GRIK4: variants seen among roughly 807,000 people sequenced by gnomAD.
The protein encoded by GRIK4 is glutamate ionotropic receptor kainate type subunit 4, also known as glutamate receptor ionotropic, kainate 4.
Under a neutral mutation model 104.9 loss-of-function variants are expected in GRIK4, and 40 were observed. The ratio of observed to expected loss-of-function variants is 0.38; its 90% CI spans 0.30 to 0.50. The LOEUF (loss-of-function observed/expected upper bound fraction) is 0.50, where lower values mean the gene tolerates loss of function less well. GRIK4 is among the 20% of genes least tolerant of loss of function. The pLI, the probability that GRIK4 is intolerant of heterozygous loss-of-function variation, is 0.93. For missense variants in GRIK4, 1,047 were observed against 1,308.1 expected (o/e 0.80, Z 3.08); for synonymous variants, 485 against 524.9 (o/e 0.92, Z 1.04).
chr11:120,627,321 A>G (rs1949273544), intron 1 of GRIK4, among the ~76,000 whole-genome samples: 1 of 152,248 alleles, frequency 6.6e-6, no homozygotes, highest in Non-Finnish European at 1.5e-5. Context: ...GGTCCTCTCC[A>G]AAGGAGAAGC....
chr11:120,810,296 G>A (rs910455353), intron 4 of GRIK4, among the ~76,000 whole-genome samples: 15 of 152,194 alleles, frequency 9.9e-5, no homozygotes, highest in African/African-American at 3.6e-4. Context: ...AGGAATTGTG[G>A]CCTTCTATAA....
intron 19 of GRIK4, among the ~76,000 whole-genome samples, chr11:120,969,107 A>C (rs1225231236): frequency 6.6e-6 from 1 of 152,226 alleles, no homozygotes; most frequent in Non-Finnish European, 1.5e-5. Flanking sequence ...CCTGGGAATA[A>C]GAAAGCTCTA....
chr11:120,798,097 A>C (rs1952554103), intron 3 of GRIK4, among the ~76,000 whole-genome samples: 1 of 149,450 alleles, frequency 6.7e-6, no homozygotes. Context: ...TGGTTTGCAG[A>C]TAGCCATCTT....
At chr11:120,540,768 C>G (rs1948025421) in intron 1 of GRIK4, among the ~76,000 whole-genome samples, 2 of 151,976 alleles carry the variant, frequency 1.3e-5, no homozygotes, top group South Asian at 4.2e-4. Flanking sequence ...TTTTTGGGTA[C>G]AAGGACAATA....
intron 3 of GRIK4, among the ~76,000 whole-genome samples, chr11:120,662,434 T>G (rs1649242138): frequency 6.6e-6 from 1 of 152,212 alleles, no homozygotes; most frequent in African/African-American, 2.4e-5. Flanking sequence ...GACCCGTTCT[T>G]CCTGTCTCCT....
intron 1 of GRIK4, among the ~76,000 whole-genome samples, chr11:120,520,856 G>A (rs1372406712): frequency 1.3e-5 from 2 of 152,166 alleles, no homozygotes; most frequent in Non-Finnish European, 2.9e-5. Context: ...CAGTTCCTAA[G>A]ATGACAACAG....
chr11:120,746,905 A>C (rs1221280509), intron 3 of GRIK4, among the ~76,000 whole-genome samples: 1 of 152,200 alleles, frequency 6.6e-6, no homozygotes, highest in African/African-American at 2.4e-5. Flanking sequence ...CAGAATGTTG[A>C]AGACTATGGA....
intron 3 of GRIK4, among the ~76,000 whole-genome samples, chr11:120,798,216 T>G (rs1440028209): frequency 7.6e-6 from 1 of 131,176 alleles, no homozygotes; most frequent in Non-Finnish European, 1.6e-5. Context: ...TCGCCTAGGC[T>G]GGAGTGCAGT....
At chr11:120,975,840 C>CTT (rs1315700937) in intron 19 of GRIK4, among the ~76,000 whole-genome samples, 1 of 152,160 alleles carries the variant, frequency 6.6e-6, no homozygotes, top group Admixed American at 6.5e-5. Flanking sequence ...GATCCAGGCA[C>CTT]TTCCACTTGT....
intron 1 of GRIK4, among the ~76,000 whole-genome samples, chr11:120,530,888 C>T (rs1475940530): frequency 6.6e-6 from 1 of 152,168 alleles, no homozygotes; most frequent in African/African-American, 2.4e-5. Flanking sequence ...GCACCTGTGT[C>T]CTACTGATGT....
intron 3 of GRIK4, among the ~76,000 whole-genome samples, chr11:120,661,455 G>A (rs1292761104): frequency 6.6e-6 from 1 of 152,182 alleles, no homozygotes; most frequent in African/African-American, 2.4e-5. Flanking sequence ...GGGGTTGGGG[G>A]TGGGAGCAAA....
At chr11:120,672,540 C>T (rs935447278) in intron 3 of GRIK4, among the ~76,000 whole-genome samples, 8 of 152,212 alleles carry the variant, frequency 5.3e-5, no homozygotes, top group African/African-American at 1.2e-4. Context: ...GCCATTTTCA[C>T]GGTATTCATT....
chr11:120,836,400 T>C (rs1193295334), intron 7 of GRIK4, among the ~76,000 whole-genome samples: 1 of 152,226 alleles, frequency 6.6e-6, no homozygotes, highest in East Asian at 1.9e-4. Flanking sequence ...AGTGGGTTAG[T>C]GTTAGCCATT....
chr11:120,751,547 C>T (rs975461957), intron 3 of GRIK4, among the ~76,000 whole-genome samples: 11 of 152,116 alleles, frequency 7.2e-5, no homozygotes, highest in Non-Finnish European at 1.5e-4. Flanking sequence ...TCCCCAGGAG[C>T]CCCTCCCTGC....
intron 7 of GRIK4, among the ~76,000 whole-genome samples, chr11:120,834,299 TGG>T (rs1491164260): frequency 1.3e-5 from 2 of 149,418 alleles, no homozygotes; most frequent in Non-Finnish European, 3.0e-5. Flanking sequence ...TGTGTGTGTG[TGG>T]CCATGCTTTT....
intron 3 of GRIK4, among the ~76,000 whole-genome samples, chr11:120,757,586 T>C (rs1156962529): frequency 6.6e-6 from 1 of 152,184 alleles, no homozygotes; most frequent in Non-Finnish European, 1.5e-5. Context: ...GTTCCCTGGG[T>C]CTGGCAGAAG....
intron 1 of GRIK4, among the ~76,000 whole-genome samples, chr11:120,533,216 G>C (rs919871801): frequency 3.9e-5 from 6 of 152,188 alleles, no homozygotes; most frequent in Non-Finnish European, 8.8e-5. Flanking sequence ...AGAGGGAAAA[G>C]CACATGTCAC....
chr11:120,980,992 T>G (rs1944642255), intron 19 of GRIK4, among the ~76,000 whole-genome samples: 1 of 149,476 alleles, frequency 6.7e-6, no homozygotes, highest in Non-Finnish European at 1.5e-5. Flanking sequence ...ACTCATCTCA[T>G]AGTGCCGTGC....
chr11:120,755,503 G>A (rs2135431100), intron 3 of GRIK4, among the ~76,000 whole-genome samples: 1 of 152,134 alleles, frequency 6.6e-6, no homozygotes. Context: ...AGCTACTTGG[G>A]AGGCTGAGGT....
Sources: allele counts gnomAD v4.1 joint callset (sites outside exome capture counted in the v4.1 genomes callset), GRCh38; gene constraint gnomAD v4.1.1; transcripts MANE v1.5; gene names NCBI Gene and HGNC (gene_info 2026-07-23, HGNC 2026-07-21).